The following IFT88 variants were observed in gnomAD, a reference collection of about 807,000 sequenced individuals.
IFT88 encodes intraflagellar transport protein 88 homolog.
Under a neutral mutation model 119.5 loss-of-function variants are expected in IFT88, and 74 were observed. The observed-to-expected ratio is 0.62, with a 90% CI of 0.51 to 0.75. The LOEUF (loss-of-function observed/expected upper bound fraction) is 0.75. Among genes scored for constraint, IFT88 ranks in the 30% least tolerant of loss-of-function variants. The pLI, the probability that IFT88 is intolerant of heterozygous loss-of-function variation, is 0.00. For synonymous variants in IFT88, 279 were observed against 316.7 expected (o/e 0.88, Z 1.26); for missense variants, 961 against 977.7 (o/e 0.98, Z 0.23).
At chr13:20,597,774 T>A (rs1313783698) in intron 9 of IFT88, among the ~76,000 whole-genome samples, 1 of 146,702 alleles carries the variant, frequency 6.8e-6, no homozygotes, top group African/African-American at 2.5e-5. Flanking sequence ...TATATATTTT[T>A]TTTTTGATAA....
At position 20,664,751 on chromosome 13, in the gene IFT88, A is replaced by G. The variant is rs144766256; in HGVS notation, c.2175+1147A>G. On this transcript the variant is annotated intron_variant, in intron 23 of 25. Coordinates refer to ENST00000351808, the MANE Select transcript of IFT88 (RefSeq NM_006531.5). ...GCCAAAACACCAAAAAGGTTGGAGA[A>G]TAAAGGTAAACTATTAAGAAGAAAA... 1.0e-3 allele frequency among the ~76,000 whole-genome samples: 157 copies of G among 152,312 alleles called. 1 individual carries two copies. The East Asian group carries it at 0.027, about 26-fold the overall frequency.
chr13:20,580,462 A>G (rs1443549320), intron 2 of IFT88, among the ~76,000 whole-genome samples: 1 of 151,804 alleles, frequency 6.6e-6, no homozygotes, highest in Non-Finnish European at 1.5e-5. Flanking sequence ...GGTGGCAGTG[A>G]GCCAAGATCA....
chr13:20,584,971 C>T (rs7998003), intron 3 of IFT88, among the ~76,000 whole-genome samples: 116,595 of 152,114 alleles, frequency 0.77, 45,599 homozygotes, highest in East Asian at 1. Flanking sequence ...GGGCAGCCCC[C>T]GGTAATAAAG....
intron 15 of IFT88, among the ~76,000 whole-genome samples, chr13:20,627,276 T>C (rs1344914961): frequency 6.6e-6 from 1 of 152,230 alleles, no homozygotes; most frequent in Non-Finnish European, 1.5e-5. Flanking sequence ...GCTTTTTACA[T>C]GGAAGTGACG....
At chr13:20,592,547 G>A in intron 7 of IFT88, 143 bp downstream of exon 7, 2 of 574,360 alleles carry the variant, frequency 3.5e-6, no homozygotes, top group African/African-American at 1.9e-5. Context: ...TTGGCTCACT[G>A]CAACCTTCAT....
intron 3 of IFT88, 42 bp downstream of exon 3, chr13:20,583,061 A>G (rs1166195106): frequency 3.3e-6 from 4 of 1,197,320 alleles, no homozygotes; most frequent in Middle Eastern, 1.9e-4. Flanking sequence ...TAAAAAATAC[A>G]TAACATGAAA....
At chr13:20,573,185 A>G (rs560224236) in intron 1 of IFT88, among the ~76,000 whole-genome samples, 25 of 152,200 alleles carry the variant, frequency 1.6e-4, no homozygotes, top group Non-Finnish European at 3.1e-4. Flanking sequence ...TGCTATTGCC[A>G]TAAGTAGCTA....
At chr13:20,597,487 G>C (rs1296043018) in intron 9 of IFT88, among the ~76,000 whole-genome samples, 1 of 152,102 alleles carries the variant, frequency 6.6e-6, no homozygotes, top group Non-Finnish European at 1.5e-5. Context: ...GCTCACGCCT[G>C]TAATCCCAGC....
rs762297940 is a variant in IFT88, at chr13:20,614,817, C to CTTTTTTTTT, written c.1113-968_1113-960dup. 3.1e-3 allele frequency among the ~76,000 whole-genome samples: 390 copies of CTTTTTTTTT among 125,790 alleles called. 5 individuals carry two copies. Among genetic ancestry groups the CTTTTTTTTT allele is most frequent in the Non-Finnish European group, 4.8e-3 (288 of 59,704 alleles). 82.5% of individuals were successfully genotyped at this position (125,790 alleles called of 152,430 possible). A position where few individuals can be genotyped will look rare whatever the true frequency, so the allele number is the denominator to read the frequency against. Reference sequence around the variant, plus strand: ...ATGATTTGGAAAGATTATTTCTTTTCTTTTTTTTTTTTTTTTGAGACGGAG... The same window carrying CTTTTTTTTT: ...ATGATTTGGAAAGATTATTTCTTTTCTTTTTTTTTTTTTTTTTTTTTTTTTGAGACGGAG... On this transcript the variant is annotated intron_variant, in intron 13 of 25. Coordinates refer to ENST00000351808, the MANE Select transcript of IFT88 (RefSeq NM_006531.5).
intron 24 of IFT88, among the ~76,000 whole-genome samples, chr13:20,687,082 G>A (rs545772913): frequency 8.3e-4 from 117 of 141,358 alleles, no homozygotes; most frequent in African/African-American, 3.0e-3. Context: ...ACTCTAAAAT[G>A]TTACAAATAG....
intron 15 of IFT88, 130 bp from the exon 16 acceptor site, chr13:20,630,886 A>G: frequency 1.9e-6 from 1 of 517,528 alleles, no homozygotes; most frequent in Non-Finnish European, 3.5e-6. Context: ...TGTTTTCTTG[A>G]ACATCTTAAT....
At chr13:20,593,703 A>G (rs7331335) in intron 7 of IFT88, among the ~76,000 whole-genome samples, 25,025 of 151,966 alleles carry the variant, frequency 0.16, 2,397 homozygotes, top group African/African-American at 0.25. Flanking sequence ...TTTAAATATT[A>G]TGTCATTCAT....
chr13:20,656,269 C>T (rs184207405), intron 21 of IFT88, 96 bp from the exon 22 acceptor site: 187 of 448,874 alleles, frequency 4.2e-4, no homozygotes, highest in African/African-American at 3.4e-3. Context: ...TCTATTAAAC[C>T]ATTAAATAGC....
At chr13:20,659,787 G>A (rs772035270) in intron 22 of IFT88, among the ~76,000 whole-genome samples, 13 of 152,020 alleles carry the variant, frequency 8.6e-5, no homozygotes, top group Non-Finnish European at 1.8e-4. Context: ...GGGATTACAG[G>A]TGCCTGCCAC....
chr13:20,593,046 A>G (rs750750517), intron 7 of IFT88, among the ~76,000 whole-genome samples: 3 of 152,190 alleles, frequency 2.0e-5, no homozygotes, highest in Non-Finnish European at 4.4e-5. Flanking sequence ...GTTGTAAGAT[A>G]TGATTATCTT....
At chr13:20,690,914 T>C (rs2058408710) in intron 25 of IFT88, 99 bp downstream of exon 25, 1 of 1,388,734 alleles carries the variant, frequency 7.2e-7, no homozygotes, top group Non-Finnish European at 1.0e-6. Flanking sequence ...GAATTTGATA[T>C]TTACAGATAA....
At chr13:20,615,489 A>G (rs935781836) in intron 13 of IFT88, among the ~76,000 whole-genome samples, 1 of 152,164 alleles carries the variant, frequency 6.6e-6, no homozygotes, top group African/African-American at 2.4e-5. Context: ...AGGCTACGTA[A>G]GTTCCGCTGC....
intron 15 of IFT88, among the ~76,000 whole-genome samples, chr13:20,627,729 TC>T (rs1406209705): frequency 3.5e-3 from 75 of 21,366 alleles, no homozygotes; most frequent in African/African-American, 8.7e-3. Context: ...AGACTTCATC[TC>T]AAAAAAAAAA....
At chr13:20,574,318 C>CA (rs2036954148) in intron 1 of IFT88, 62 bp from the exon 2 acceptor site, 1 of 895,552 alleles carries the variant, frequency 1.1e-6, no homozygotes, top group South Asian at 1.9e-5. Context: ...AGACATATCT[C>CA]AAAAAATATA....
Sources: allele counts gnomAD v4.1 joint callset (sites outside exome capture counted in the v4.1 genomes callset), GRCh38; gene constraint gnomAD v4.1.1; transcripts MANE v1.5; gene names NCBI Gene and HGNC (gene_info 2026-07-23, HGNC 2026-07-21).